Variants in ADAM32 observed in about 807,000 individuals in gnomAD.
ADAM32 encodes the protein ADAM metallopeptidase domain 32, also known as disintegrin and metalloproteinase domain-containing protein 32.
A neutral mutation model predicts 114.9 loss-of-function variants in ADAM32; 89 were observed. That is an observed-to-expected ratio of 0.77 (90% confidence interval 0.65 to 0.92). The LOEUF is 0.92. Among genes scored for constraint, ADAM32 ranks in the 40% least tolerant of loss-of-function variants. The probability of loss-of-function intolerance (pLI) is 0.00; values close to 1 mark genes in which losing one functional copy is unlikely to be tolerated. For missense variants in ADAM32, 870 were observed against 932.8 expected (o/e 0.93, Z 0.88); for synonymous variants, 285 against 307.5 (o/e 0.93, Z 0.77).
chr8:39,275,981 T>C (rs1296466223), intron 22 of ADAM32, 115 bp downstream of exon 22: 17 of 985,690 alleles, frequency 1.7e-5, no homozygotes, highest in Non-Finnish European at 2.5e-5. Flanking sequence ...CCACAATTAG[T>C]AAAGTACTGT....
chr8:39,191,167 G>A (rs1337375715), intron 11 of ADAM32, among the ~76,000 whole-genome samples: 1 of 152,150 alleles, frequency 6.6e-6, no homozygotes, highest in Non-Finnish European at 1.5e-5. Flanking sequence ...TGAGCATTTA[G>A]GTTAACTTCA....
chr8:39,134,369 A>C (rs989493983), intron 2 of ADAM32, among the ~76,000 whole-genome samples: 15 of 151,898 alleles, frequency 9.9e-5, no homozygotes, highest in African/African-American at 3.4e-4. Context: ...TGTATTGCAG[A>C]GCATTCGTGG....
chr8:39,157,645 G>T, intron 6 of ADAM32: 1 of 636,028 alleles, frequency 1.6e-6, no homozygotes, highest in South Asian at 1.4e-5. Context: ...TAGTGTCAAT[G>T]AACTTAAGGT....
At chr8:39,131,362 A>G (rs1802445479) in intron 2 of ADAM32, among the ~76,000 whole-genome samples, 1 of 152,132 alleles carries the variant, frequency 6.6e-6, no homozygotes, top group Admixed American at 6.5e-5. Flanking sequence ...ATGGTGGCAC[A>G]TGCCTGTAGT....
rs1232251336 is a variant in ADAM32, at chr8:39,284,813, A to C, written c.*14A>C. 2 of 1,613,604 alleles carry C rather than the reference A, an allele frequency of 1.2e-6. No homozygotes were observed. The highest frequency in any genetic ancestry group is 1.7e-6 in the Non-Finnish European group (2 of 1,179,702). On this transcript the variant is annotated 3_prime_UTR_variant, in exon 25 of 25. Transcript: ENST00000379907. The stretch of plus-strand genomic sequence containing the variant: ...CACAGTAACTAGTGATTCCTTCAGA[A>C]GGCAACGGATAACATCGAGAGTCTC...
intron 19 of ADAM32, among the ~76,000 whole-genome samples, chr8:39,257,618 C>G (rs1449837569): frequency 6.6e-6 from 1 of 151,982 alleles, no homozygotes; most frequent in Admixed American, 6.6e-5. Context: ...CTTTTCTTAT[C>G]AAAGGGGATG....
intron 1 of ADAM32, among the ~76,000 whole-genome samples, chr8:39,111,421 A>T (rs558176336): frequency 6.6e-6 from 1 of 152,296 alleles, no homozygotes; most frequent in East Asian, 1.9e-4. Flanking sequence ...GATTTTGATT[A>T]GGATAGTCTT....
In ADAM32 at chr8:39,246,156, C is replaced by A. The variant is rs774190637; in HGVS notation, c.1892C>A (p.Ser631Tyr). The A allele has an allele frequency of 1.2e-6, 2 of 1,612,630 alleles. No homozygotes were observed. The highest frequency in any genetic ancestry group is 2.7e-5 in the African/African-American group (2 of 74,868). ...ASAHVCSQQCSGHGVCDSRNK... is the reference protein window; with the variant it reads ...ASAHVCSQQCYGHGVCDSRNK... ...GCACATGTTTGTTCACAACAGTGTT[C>A]TGGACATGGAGTAAGTAACCACATG... Residue 631 changes from serine to tyrosine, a missense_variant, in exon 17 of 25, where the codon TCT becomes TAT. Physicochemically the swap from Ser to Tyr is moderately radical, Grantham distance 144. Transcript: ENST00000379907.
intron 11 of ADAM32, among the ~76,000 whole-genome samples, chr8:39,196,610 C>T (rs1299666343): frequency 1.3e-5 from 2 of 152,000 alleles, no homozygotes; most frequent in Admixed American, 1.3e-4. Context: ...TTTTGTCCTT[C>T]ATTCTGTTGA....
intron 6 of ADAM32, 127 bp downstream of exon 6, chr8:39,151,675 CTTT>C (rs11381154): frequency 2.5e-4 from 110 of 435,084 alleles, no homozygotes; most frequent in South Asian, 3.4e-4. Context: ...AACATCTTAT[CTTT>C]TTTTTTTTTT....
In ADAM32 at chr8:39,147,140, G is replaced by A. The variant is rs779269419; in HGVS notation, c.211G>A (p.Ala71Thr). 2 of 974,722 alleles carry A rather than the reference G, an allele frequency of 2.1e-6. No homozygotes were observed. The highest frequency in any genetic ancestry group is 2.7e-5 in the South Asian group (1 of 36,742). The allele number at this position is 974,722 out of a possible 1,614,324, so 60.4% of individuals were successfully genotyped here. Residue 71 changes from alanine (A) to threonine (T), a missense_variant, in exon 4 of 25, where the codon GCA (alanine) becomes ACA (threonine). Physicochemically the swap from Ala to Thr is moderately conservative, Grantham distance 58. Coordinates refer to ENST00000379907, the MANE Select transcript of ADAM32 (RefSeq NM_145004.7). ...TTTTTTTATATTCAGATATTTTTTA[G>A]CAGATAATTTTATGATCTATTTGTA... is the stretch of plus-strand genomic sequence containing the variant. ...TVHLKQRYFL[A>T]DNFMIYLYNQ...
At chr8:39,158,635 TG>T in intron 6 of ADAM32, 1 of 206,116 alleles carries the variant, frequency 4.9e-6, no homozygotes. Context: ...TGATGCCTAC[TG>T]CTGTGTTTCC....
chr8:39,275,465 T>A (rs1194502665), intron 21 of ADAM32, among the ~76,000 whole-genome samples: 1 of 152,176 alleles, frequency 6.6e-6, no homozygotes, highest in East Asian at 1.9e-4. Context: ...TTAGTGTGGA[T>A]TTTGAATCAC....
intron 12 of ADAM32, among the ~76,000 whole-genome samples, chr8:39,216,592 T>A (rs1466895257): frequency 6.6e-6 from 1 of 152,000 alleles, no homozygotes; most frequent in African/African-American, 2.4e-5. Context: ...TTCTTGCTTT[T>A]TATTTTCTGT....
intron 15 of ADAM32, 109 bp downstream of exon 15, chr8:39,232,244 A>G: frequency 1.3e-6 from 1 of 772,296 alleles, no homozygotes; most frequent in Non-Finnish European, 2.0e-6. Flanking sequence ...TTACATGTGC[A>G]TAGGAGTGAA....
intron 19 of ADAM32, among the ~76,000 whole-genome samples, chr8:39,264,862 A>C (rs188968349): frequency 7.9e-5 from 12 of 152,108 alleles, no homozygotes; most frequent in African/African-American, 1.4e-4. Context: ...ATGGTTTTGA[A>C]ATTTCTTGGC....
chr8:39,197,779 G>C (rs1807106450), intron 11 of ADAM32, among the ~76,000 whole-genome samples: 1 of 152,126 alleles, frequency 6.6e-6, no homozygotes, highest in African/African-American at 2.4e-5. Context: ...TGAAAAGAAT[G>C]TTTAGACTGC....
intron 16 of ADAM32, among the ~76,000 whole-genome samples, chr8:39,245,260 T>G (rs1810828542): frequency 6.6e-6 from 1 of 151,994 alleles, no homozygotes; most frequent in African/African-American, 2.4e-5. Flanking sequence ...TCTCTGAAGA[T>G]GCAAAGGCAT....
At chr8:39,152,178 C>G (rs145081662) in intron 6 of ADAM32, among the ~76,000 whole-genome samples, 1 of 152,070 alleles carries the variant, frequency 6.6e-6, no homozygotes, top group Non-Finnish European at 1.5e-5. Context: ...ATATTCATGA[C>G]CAACGAGTCA....
Sources: gnomAD v4.1 joint callset for allele counts (sites outside exome capture counted in the v4.1 genomes callset) on GRCh38, gnomAD v4.1.1 for gene constraint, MANE v1.5 for transcripts, NCBI Gene and HGNC (gene_info 2026-07-23, HGNC 2026-07-21) for gene names.